The following HCN1 variants were observed in gnomAD, a reference collection of about 807,000 sequenced individuals.
The protein encoded by HCN1 is hyperpolarization activated cyclic nucleotide gated potassium channel 1.
Under a neutral mutation model 78.9 loss-of-function variants are expected in HCN1, and 13 were observed. The observed-to-expected ratio is 0.16, with a 90% CI of 0.11 to 0.26. The LOEUF is 0.26. HCN1 is among the 10% of genes least tolerant of loss of function. The probability of loss-of-function intolerance (pLI) is 1.00; values close to 1 mark genes in which losing one functional copy is unlikely to be tolerated. For synonymous variants in HCN1, 552 were observed against 455.5 expected (o/e 1.21, Z -2.70); for missense variants, 810 against 1,154.3 (o/e 0.70, Z 4.32).
At chr5:45,597,587 G>A (rs2589160) in intron 2 of HCN1, among the ~76,000 whole-genome samples, 106,334 of 151,966 alleles carry the variant, frequency 0.7, 37,447 homozygotes, top group Middle Eastern at 0.82. Context: ...GGCAAGAGAA[G>A]GAAAGAAAGG....
intron 4 of HCN1, among the ~76,000 whole-genome samples, chr5:45,364,783 T>G (rs2111996015): frequency 6.6e-6 from 1 of 152,232 alleles, no homozygotes; most frequent in Admixed American, 6.6e-5. Context: ...TTTGTTAACA[T>G]GAAGATTCAC....
intron 1 of HCN1, among the ~76,000 whole-genome samples, chr5:45,673,023 A>T (rs917973768): frequency 1.3e-5 from 2 of 151,520 alleles, no homozygotes; most frequent in African/African-American, 4.8e-5. Context: ...CTGTTCCAGC[A>T]TGCTGTCCAG....
chr5:45,565,337 T>C (rs2111889929), intron 2 of HCN1, among the ~76,000 whole-genome samples: 1 of 152,304 alleles, frequency 6.6e-6, no homozygotes, highest in East Asian at 1.9e-4. Flanking sequence ...ACTCACCCTG[T>C]AGCCTTGTGT....
At position 45,663,957 on chromosome 5, in the gene HCN1, G is replaced by T. The variant is rs1262527002; in HGVS notation, c.426-18349C>A. On this transcript the variant is annotated intron_variant, in intron 1 of 7. Transcript: ENST00000303230. ...ATTTGACCCAGCCATCCCATTACTGGGTATATACCCAAATGACTATAAATC... is the reference window on the plus strand; with the variant it reads ...ATTTGACCCAGCCATCCCATTACTGTGTATATACCCAAATGACTATAAATC... 2.6e-3 allele frequency among the ~76,000 whole-genome samples: 369 copies of T among 143,068 alleles called. 1 individual carries two copies. The highest frequency in any genetic ancestry group is 9.2e-3 in the African/African-American group (349 of 37,786). The allele number at this position is 143,068 out of a possible 152,430, so 93.9% of individuals were successfully genotyped here.
chr5:45,546,104 T>C (rs1743220257), intron 2 of HCN1, among the ~76,000 whole-genome samples: 1 of 152,004 alleles, frequency 6.6e-6, no homozygotes, highest in East Asian at 1.9e-4. Context: ...AATTATTTGA[T>C]AGACATTTTC....
chr5:45,298,324 C>T (rs944803180), intron 6 of HCN1, among the ~76,000 whole-genome samples: 2 of 151,930 alleles, frequency 1.3e-5, no homozygotes, highest in African/African-American at 4.8e-5. Flanking sequence ...CATGTGATAC[C>T]CTGCACCACC....
At chr5:45,353,063 A>C (rs1344440485) in intron 5 of HCN1, 37 bp downstream of exon 5, 3 of 1,529,212 alleles carry the variant, frequency 2.0e-6, no homozygotes, top group East Asian at 2.3e-5. Flanking sequence ...ATAAACAATG[A>C]TTATGTATTA....
chr5:45,442,989 C>A (rs1026912599), intron 3 of HCN1, among the ~76,000 whole-genome samples: 3 of 152,010 alleles, frequency 2.0e-5, no homozygotes, highest in African/African-American at 7.2e-5. Flanking sequence ...ATATCCAGTA[C>A]AATTTATATA....
intron 4 of HCN1, among the ~76,000 whole-genome samples, chr5:45,356,425 A>C (rs1015322475): frequency 1.3e-5 from 2 of 151,998 alleles, no homozygotes; most frequent in Admixed American, 1.3e-4. Context: ...AATGAGATCT[A>C]ACAAGAGTGT....
At chr5:45,318,719 G>C (rs1484115578) in intron 5 of HCN1, among the ~76,000 whole-genome samples, 2 of 151,388 alleles carry the variant, frequency 1.3e-5, no homozygotes, top group Non-Finnish European at 3.0e-5. Context: ...TTCTTTTAAA[G>C]TTACAACATA....
intron 2 of HCN1, among the ~76,000 whole-genome samples, chr5:45,491,004 T>C (rs1741871481): frequency 6.6e-6 from 1 of 152,112 alleles, no homozygotes; most frequent in Admixed American, 6.6e-5. Context: ...ACCTTAACCA[T>C]ACATCAGTTT....
At chr5:45,372,678 A>C (rs1352885188) in intron 4 of HCN1, among the ~76,000 whole-genome samples, 4 of 142,206 alleles carry the variant, frequency 2.8e-5, no homozygotes, top group East Asian at 2.1e-4. Flanking sequence ...AAAAATATAA[A>C]ATATTTATAT....
chr5:45,264,381 A>G (rs1744812179), intron 7 of HCN1, among the ~76,000 whole-genome samples: 1 of 152,234 alleles, frequency 6.6e-6, no homozygotes, highest in Non-Finnish European at 1.5e-5. Context: ...TGACTTTTCT[A>G]TGGCATCATT....
At chr5:45,327,529 A>T (rs1364154491) in intron 5 of HCN1, among the ~76,000 whole-genome samples, 1 of 151,652 alleles carries the variant, frequency 6.6e-6, no homozygotes, top group East Asian at 1.9e-4. Flanking sequence ...AAGAGTACTA[A>T]GATAAATTAA....
intron 2 of HCN1, among the ~76,000 whole-genome samples, chr5:45,508,581 T>C (rs1424559427): frequency 2.0e-5 from 3 of 152,112 alleles, no homozygotes; most frequent in Non-Finnish European, 4.4e-5. Context: ...GGGTATGTCC[T>C]ACTTATAATC....
intron 2 of HCN1, among the ~76,000 whole-genome samples, chr5:45,591,291 G>C (rs539553352): frequency 6.6e-6 from 1 of 152,226 alleles, no homozygotes; most frequent in South Asian, 2.1e-4. Flanking sequence ...AATACCAAGG[G>C]ATAGGATTGC....
At chr5:45,319,015 G>C (rs908105803) in intron 5 of HCN1, among the ~76,000 whole-genome samples, 2 of 151,936 alleles carry the variant, frequency 1.3e-5, no homozygotes, top group Non-Finnish European at 1.5e-5. Context: ...AGTGTTGTAA[G>C]TGGGAGTTGA....
intron 1 of HCN1, among the ~76,000 whole-genome samples, chr5:45,658,751 T>C (rs1745847069): frequency 6.6e-6 from 1 of 151,906 alleles, no homozygotes; most frequent in Non-Finnish European, 1.5e-5. Flanking sequence ...CAGACCGGCT[T>C]AAAAAACGGC....
At chr5:45,433,302 C>A (rs71616289) in intron 3 of HCN1, among the ~76,000 whole-genome samples, 2 of 151,998 alleles carry the variant, frequency 1.3e-5, no homozygotes, top group African/African-American at 4.8e-5. Flanking sequence ...TATCTCTGTT[C>A]ATCAAAAATA....
Sources: allele counts gnomAD v4.1 joint callset (sites outside exome capture counted in the v4.1 genomes callset), GRCh38; gene constraint gnomAD v4.1.1; transcripts MANE v1.5; gene names NCBI Gene and HGNC (gene_info 2026-07-23, HGNC 2026-07-21).